Variants in ARHGAP32 observed in about 807,000 individuals in gnomAD.
The protein encoded by ARHGAP32 is rho GTPase-activating protein 32.
In ARHGAP32, 51 loss-of-function variants were observed where a neutral mutation model predicts 186.5. The observed-to-expected ratio is 0.27, with a 90% CI of 0.22 to 0.35. ARHGAP32 has a LOEUF of 0.35. Among genes scored for constraint, ARHGAP32 ranks in the 10% least tolerant of loss-of-function variants. The probability of loss-of-function intolerance (pLI) is 1.00; values close to 1 mark genes in which losing one functional copy is unlikely to be tolerated. For missense variants in ARHGAP32, 2,186 were observed against 2,623.5 expected (o/e 0.83, Z 3.64); for synonymous variants, 950 against 964.3 (o/e 0.99, Z 0.27).
chr11:129,133,806 T>G (rs1200755734), intron 2 of ARHGAP32, among the ~76,000 whole-genome samples: 1 of 152,184 alleles, frequency 6.6e-6, no homozygotes, highest in African/African-American at 2.4e-5. Context: ...TAACTGAAAT[T>G]TGGCCCTTCC....
At chr11:129,178,257 G>C (rs1439127592) in intron 1 of ARHGAP32, among the ~76,000 whole-genome samples, 1 of 152,006 alleles carries the variant, frequency 6.6e-6, no homozygotes, top group Non-Finnish European at 1.5e-5. Context: ...ACCTCTTCAA[G>C]GAGAACTACA....
chr11:129,253,511 C>T (rs1275174432), intron 1 of ARHGAP32, among the ~76,000 whole-genome samples: 1 of 152,126 alleles, frequency 6.6e-6, no homozygotes. Flanking sequence ...CTAGTTTATA[C>T]ACTATTAACT....
intron 17 of ARHGAP32, among the ~76,000 whole-genome samples, 192 bp from the exon 18 acceptor site, chr11:128,980,940 C>T (rs1018522396): frequency 6.6e-6 from 1 of 152,106 alleles, no homozygotes. Flanking sequence ...CACATACATA[C>T]ATATAAAACC....
intron 1 of ARHGAP32, among the ~76,000 whole-genome samples, chr11:129,247,194 G>A (rs931089156): frequency 2.0e-5 from 3 of 151,920 alleles, no homozygotes; most frequent in African/African-American, 4.8e-5. Flanking sequence ...AAATTATTAC[G>A]CCCCCATATA....
chr11:129,215,830 C>T (rs1944637595), intron 1 of ARHGAP32, among the ~76,000 whole-genome samples: 1 of 152,182 alleles, frequency 6.6e-6, no homozygotes, highest in African/African-American at 2.4e-5. Flanking sequence ...GTCCTAATCC[C>T]TATAAGTTAT....
chr11:129,108,262 T>C (rs1293730039), intron 5 of ARHGAP32, among the ~76,000 whole-genome samples: 1 of 152,112 alleles, frequency 6.6e-6, no homozygotes, highest in Non-Finnish European at 1.5e-5. Flanking sequence ...AGAGACTCAC[T>C]TTAGAGCCAA....
intron 1 of ARHGAP32, among the ~76,000 whole-genome samples, chr11:129,254,166 A>AG (rs1223874083): frequency 1.3e-5 from 2 of 152,128 alleles, no homozygotes; most frequent in Admixed American, 6.5e-5. Context: ...ATTAATTGAA[A>AG]GGGGGGGAAA....
At chr11:129,157,486 G>A (rs1027933781) in intron 2 of ARHGAP32, among the ~76,000 whole-genome samples, 1 of 151,944 alleles carries the variant, frequency 6.6e-6, no homozygotes, top group East Asian at 1.9e-4. Context: ...ACCAGAGATT[G>A]AAGATCAACA....
chr11:129,007,592 G>C (rs1476466806), intron 11 of ARHGAP32, among the ~76,000 whole-genome samples: 2 of 152,038 alleles, frequency 1.3e-5, no homozygotes, highest in East Asian at 3.9e-4. Flanking sequence ...TATCCAAGAT[G>C]CAAGACAAAG....
intron 1 of ARHGAP32, among the ~76,000 whole-genome samples, chr11:129,169,002 C>T (rs1033766721): frequency 6.6e-6 from 1 of 152,028 alleles, no homozygotes; most frequent in African/African-American, 2.4e-5. Context: ...GTGTGGGATA[C>T]AACTAAAGAG....
intron 6 of ARHGAP32, among the ~76,000 whole-genome samples, chr11:129,086,600 T>C (rs1299187647): frequency 6.6e-6 from 1 of 151,900 alleles, no homozygotes; most frequent in Non-Finnish European, 1.5e-5. Flanking sequence ...GGCGGGCGGA[T>C]CACAAGGTCA....
At chr11:129,090,160 G>A (rs1047258474) in intron 6 of ARHGAP32, among the ~76,000 whole-genome samples, 1 of 152,132 alleles carries the variant, frequency 6.6e-6, no homozygotes, top group Non-Finnish European at 1.5e-5. Flanking sequence ...TTTTGTTCAT[G>A]CACATATGTT....
At chr11:129,269,360 T>C (rs1023757422) in intron 1 of ARHGAP32, among the ~76,000 whole-genome samples, 1 of 150,852 alleles carries the variant, frequency 6.6e-6, no homozygotes, top group Admixed American at 6.6e-5. Flanking sequence ...AAGAAAGAGG[T>C]GGGGGTGCTA....
chr11:129,195,571 G>C (rs890716651), upstream of ARHGAP32, among the ~76,000 whole-genome samples: 2 of 152,110 alleles, frequency 1.3e-5, no homozygotes, highest in South Asian at 4.1e-4. Context: ...TTTATTTTTA[G>C]TAGAGAAGAG....
At chr11:129,063,237 C>A (rs187177450) in intron 9 of ARHGAP32, among the ~76,000 whole-genome samples, 39 of 152,204 alleles carry the variant, frequency 2.6e-4, no homozygotes, top group Admixed American at 8.5e-4. Flanking sequence ...ACCTACATTT[C>A]TTTCTGTACA....
intron 5 of ARHGAP32, among the ~76,000 whole-genome samples, chr11:129,107,608 C>A (rs1053469366): frequency 1.3e-5 from 2 of 152,200 alleles, no homozygotes; most frequent in Non-Finnish European, 2.9e-5. Flanking sequence ...GTGGCTCACG[C>A]CTGTAATCCC....
At chr11:129,106,492 A>G (rs1048894312) in intron 5 of ARHGAP32, among the ~76,000 whole-genome samples, 1 of 152,046 alleles carries the variant, frequency 6.6e-6, no homozygotes, top group African/African-American at 2.4e-5. Context: ...GGAAATAAAG[A>G]TGGTAACAAT....
At chr11:129,094,054 G>A (rs1285818108) in intron 5 of ARHGAP32, among the ~76,000 whole-genome samples, 2 of 152,050 alleles carry the variant, frequency 1.3e-5, no homozygotes, top group Non-Finnish European at 2.9e-5. Flanking sequence ...TAACAGGTTG[G>A]GCCTATGGAC....
chr11:129,278,572 G>A lies in ARHGAP32; in HGVS notation c.-5+574C>T, dbSNP rs1352220835. 2.0e-5 allele frequency among the ~76,000 whole-genome samples: 3 copies of A among 152,164 alleles called. No individual in the cohort carries two copies. The East Asian group carries it at 5.8e-4, about 29-fold the overall frequency. On this transcript the variant is annotated intron_variant, in intron 1 of 6. Coordinates refer to the ARHGAP32 transcript ENST00000525234. ...ACCAAGGTACAGGGGTGGCGAGGAA[G>A]CGAGGGGGAAAAAAGGCACTAATGC...
Sources: allele counts gnomAD v4.1 joint callset (sites outside exome capture counted in the v4.1 genomes callset), GRCh38; gene constraint gnomAD v4.1.1; transcripts MANE v1.5; gene names NCBI Gene and HGNC (gene_info 2026-07-23, HGNC 2026-07-21).